The following TPCN2 variants were observed in gnomAD, a reference collection of about 807,000 sequenced individuals.
The protein encoded by TPCN2 is two pore segment channel 2, also known as two pore channel protein 2.
A neutral mutation model predicts 111.4 loss-of-function variants in TPCN2; 92 were observed. The observed-to-expected ratio is 0.83, with a 90% CI of 0.70 to 0.98. The LOEUF is 0.98. Among genes scored for constraint, TPCN2 ranks in the 50% least tolerant of loss-of-function variants. TPCN2 has a pLI of 0.00. For synonymous variants in TPCN2, 405 were observed against 414.5 expected, an observed-to-expected ratio of 0.98 and a Z score of 0.28; for missense variants, 995 against 980.1, an observed-to-expected ratio of 1.02 and a Z score of -0.20.
intron 5 of TPCN2, among the ~76,000 whole-genome samples, chr11:69,057,926 C>G (rs934279238): frequency 1.3e-5 from 2 of 152,212 alleles, no homozygotes; most frequent in African/African-American, 4.8e-5. Flanking sequence ...CCTGGCTCGC[C>G]CTGTTTTTGA....
chr11:69,064,663 A>C (rs144972104), intron 7 of TPCN2, among the ~76,000 whole-genome samples: 2,834 of 152,220 alleles, frequency 0.019, 37 homozygotes, highest in Non-Finnish European at 0.031. Flanking sequence ...TTGTTGTGGG[A>C]GTGGACAGTG....
intron 1 of TPCN2, among the ~76,000 whole-genome samples, chr11:69,053,429 C>T (rs957084734): frequency 1.3e-5 from 2 of 152,056 alleles, no homozygotes; most frequent in Non-Finnish European, 2.9e-5. Context: ...GTTCTAGATG[C>T]CAGTTCTCCC....
At chr11:69,086,160 C>T (rs1468754693) in intron 22 of TPCN2, among the ~76,000 whole-genome samples, 1 of 152,238 alleles carries the variant, frequency 6.6e-6, no homozygotes, top group Non-Finnish European at 1.5e-5. Context: ...TTTACACCTC[C>T]TGGAGGTCGT....
chr11:69,088,264 TC>T lies in TPCN2; in HGVS notation c.*315del. Reference sequence around the variant, plus strand: ...ATGCAAGAAGCAGCGGCCTCCCCTGTCCCCTGCAGCTTCCGTGGTGCCTTTG... The same window carrying T: ...ATGCAAGAAGCAGCGGCCTCCCCTGTCCCTGCAGCTTCCGTGGTGCCTTTG... On this transcript the variant is annotated 3_prime_UTR_variant, in exon 25 of 25. Coordinates refer to ENST00000294309, the MANE Select transcript of TPCN2 (RefSeq NM_139075.4). The T allele has an allele frequency of 3.1e-6, 1 of 326,208 alleles. No individual in the cohort carries two copies. Among genetic ancestry groups the T allele is most frequent in the East Asian group, 6.1e-5 (1 of 16,452 alleles). The allele number at this position is 326,208 out of a possible 1,614,324, so 20.2% of individuals were successfully genotyped here. A position where few individuals can be genotyped will look rare whatever the true frequency, so the allele number is the denominator to read the frequency against.
intron 1 of TPCN2, among the ~76,000 whole-genome samples, chr11:69,050,485 C>G (rs916952638): frequency 1.3e-5 from 2 of 152,236 alleles, no homozygotes; most frequent in African/African-American, 4.8e-5. Flanking sequence ...TGAAGCGATT[C>G]TCCCGCCTCA....
intron 11 of TPCN2, 81 bp from the exon 12 acceptor site, chr11:69,072,546 G>A (rs3750963): frequency 0.46 from 666,445 of 1,436,150 alleles, 160,037 homozygotes; most frequent in Non-Finnish European, 0.51. Flanking sequence ...CAAGCCAGAC[G>A]CCAGGGCAGG....
chr11:69,064,795 G>A (rs1855190921), intron 7 of TPCN2, among the ~76,000 whole-genome samples: 2 of 152,226 alleles, frequency 1.3e-5, no homozygotes, highest in African/African-American at 4.8e-5. Context: ...GCCCCTGTGT[G>A]GCTCTGCATG....
chr11:69,064,060 C>A, intron 7 of TPCN2, 93 bp downstream of exon 7: 1 of 1,259,722 alleles, frequency 7.9e-7, no homozygotes, highest in Non-Finnish European at 1.1e-6. Context: ...CCTGGCCTAA[C>A]CCATGTGCGG....
At chr11:69,072,772 C>T in intron 12 of TPCN2, 64 bp downstream of exon 12, 1 of 1,594,800 alleles carries the variant, frequency 6.3e-7, no homozygotes. Context: ...GGCCAGCAGC[C>T]CCTTTTCAGG....
chr11:69,053,514 A>G (rs11228462), intron 1 of TPCN2, among the ~76,000 whole-genome samples: 11,239 of 152,010 alleles, frequency 0.074, 1,434 homozygotes, highest in African/African-American at 0.26. Flanking sequence ...GCTCATGAAG[A>G]CTGTGCAGGA....
At chr11:69,054,133 GGGT>G (rs1192732963) in intron 2 of TPCN2, 36 bp downstream of exon 2, 4 of 1,592,702 alleles carry the variant, frequency 2.5e-6, no homozygotes, top group Non-Finnish European at 3.4e-6. Flanking sequence ...CGGGCCTGGG[GGGT>G]GGCCGCCCTC....
Position 69,057,596 on chromosome 11 carries a change from G to T in TPCN2, c.448G>T (p.Ala150Ser). 6.2e-7 allele frequency: 1 copy of T among 1,614,162 alleles called. No individual in the cohort carries two copies. The highest frequency in any genetic ancestry group is 1.1e-5 in the South Asian group (1 of 91,074). ...LSVKGYLFGW[A>S]HFQKNLWLLG... ...CTTGCAGGGTTACCTGTTCGGGTGG[G>T]CCCATTTCCAGAAAAACCTTTGGCT... is the stretch of plus-strand genomic sequence containing the variant. The change falls in exon 5 of 25, where the codon GCC becomes TCC. Residue 150 changes from alanine (A) to serine (S), a missense_variant. Transcript: ENST00000294309.
At chr11:69,058,053 C>T (rs1316898773) in intron 5 of TPCN2, among the ~76,000 whole-genome samples, 3 of 152,228 alleles carry the variant, frequency 2.0e-5, no homozygotes, top group South Asian at 2.1e-4. Context: ...CACCATGCCC[C>T]GTAGTCACAA....
chr11:69,054,289 A>G (rs1263466336), intron 2 of TPCN2, 192 bp downstream of exon 2: 1 of 598,700 alleles, frequency 1.7e-6, no homozygotes, highest in Non-Finnish European at 3.0e-6. Flanking sequence ...TCCTGGACGC[A>G]TTTGCTGCTT....
intron 8 of TPCN2, 100 bp downstream of exon 8, chr11:69,067,705 G>A (rs1356238251): frequency 2.0e-6 from 2 of 1,017,474 alleles, no homozygotes; most frequent in Non-Finnish European, 2.9e-6. Flanking sequence ...GAGTTTCTGA[G>A]GCCTTTTTTT....
chr11:69,083,674 C>T (rs956892041), intron 18 of TPCN2, among the ~76,000 whole-genome samples: 5 of 151,914 alleles, frequency 3.3e-5, no homozygotes, highest in African/African-American at 1.2e-4. Context: ...TGAGTGCGTG[C>T]GGGTGGCGAT....
At chr11:69,084,167 C>A in intron 19 of TPCN2, 151 bp downstream of exon 19, 1 of 799,948 alleles carries the variant, frequency 1.3e-6, no homozygotes, top group South Asian at 1.6e-5. Flanking sequence ...CAGGGAAGTA[C>A]AGGGTCGGGG....
In TPCN2 at chr11:69,066,713, G is replaced by C. The variant is rs80164569; in HGVS notation, c.727-790G>C. On this transcript the variant is annotated intron_variant, in intron 7 of 24. Coordinates refer to ENST00000294309, the MANE Select transcript of TPCN2 (RefSeq NM_139075.4). Reference sequence around the variant, plus strand: ...GATCCCTAAGAGAGGAGGTTGCTTTGTGTGCCAAGTCCCGCTGTGCCACCT... The same window carrying C: ...GATCCCTAAGAGAGGAGGTTGCTTTCTGTGCCAAGTCCCGCTGTGCCACCT... Among the ~76,000 whole-genome samples, 753 of 152,280 alleles carry C rather than the reference G, an allele frequency of 4.9e-3. 16 individuals carry two copies. Among genetic ancestry groups the C allele is most frequent in the Admixed American group, 0.039 (604 of 15,298 alleles).
intron 2 of TPCN2, 162 bp downstream of exon 2, chr11:69,054,259 C>T (rs776123547): frequency 2.7e-5 from 17 of 625,116 alleles, no homozygotes; most frequent in East Asian, 5.5e-5. Flanking sequence ...CGTCAGTCCC[C>T]GGAGGACTTG....
Sources: gnomAD v4.1 joint callset for allele counts (sites outside exome capture counted in the v4.1 genomes callset) on GRCh38, gnomAD v4.1.1 for gene constraint, MANE v1.5 for transcripts, NCBI Gene and HGNC (gene_info 2026-07-23, HGNC 2026-07-21) for gene names.